AUTS2: variants seen among roughly 807,000 people sequenced by gnomAD.
The protein encoded by AUTS2 is autism susceptibility gene 2 protein.
In AUTS2, 17 loss-of-function variants were observed where a neutral mutation model predicts 112.4. The ratio of observed to expected loss-of-function variants is 0.15; its 90% CI spans 0.10 to 0.23. AUTS2 has a LOEUF of 0.23. Ranked by LOEUF, AUTS2 falls within the 10% of genes least tolerant of loss-of-function variation. The pLI is 1.00. For missense variants in AUTS2, 1,510 were observed against 1,701.6 expected (o/e 0.89, Z 1.98); for synonymous variants, 751 against 702.7 (o/e 1.07, Z -1.09).
chr7:70,022,120 C>T (rs754061708), intron 2 of AUTS2, among the ~76,000 whole-genome samples: 1 of 149,130 alleles, frequency 6.7e-6, no homozygotes, highest in Non-Finnish European at 1.5e-5. Context: ...TACTAGATGA[C>T]ATATTTTCCA....
intron 5 of AUTS2, among the ~76,000 whole-genome samples, chr7:70,565,793 A>G (rs535087879): frequency 5.9e-5 from 9 of 152,236 alleles, no homozygotes; most frequent in Non-Finnish European, 1.3e-4. Flanking sequence ...TTGTATGAGA[A>G]TAGCATATAA....
intron 2 of AUTS2, among the ~76,000 whole-genome samples, chr7:69,998,574 A>T (rs960981247): frequency 1.3e-5 from 2 of 152,214 alleles, no homozygotes; most frequent in African/African-American, 2.4e-5. Flanking sequence ...TTGTGCATAC[A>T]TGCACCTGTT....
chr7:70,150,654 C>T (rs1807381242), intron 4 of AUTS2, among the ~76,000 whole-genome samples: 1 of 152,144 alleles, frequency 6.6e-6, no homozygotes, highest in Non-Finnish European at 1.5e-5. Context: ...TTGTAGTTAG[C>T]ATTTTCATTC....
chr7:70,383,912 C>G (rs569896106), intron 4 of AUTS2, among the ~76,000 whole-genome samples: 1 of 152,374 alleles, frequency 6.6e-6, no homozygotes, highest in African/African-American at 2.4e-5. Context: ...CTGCATTATT[C>G]TGTACATTGT....
At chr7:70,636,891 C>T (rs938357363) in intron 5 of AUTS2, among the ~76,000 whole-genome samples, 23 of 152,128 alleles carry the variant, frequency 1.5e-4, no homozygotes, top group Admixed American at 1.5e-3. Flanking sequence ...GATCCTCCCA[C>T]CTTAGCCTTC....
intron 4 of AUTS2, among the ~76,000 whole-genome samples, chr7:70,422,647 G>A (rs1050582226): frequency 2.6e-5 from 4 of 152,136 alleles, no homozygotes; most frequent in East Asian, 1.9e-4. Context: ...GCATGGTGGC[G>A]CATACCTATA....
At chr7:70,100,325 A>G (rs571406349) in intron 2 of AUTS2, among the ~76,000 whole-genome samples, 4 of 152,302 alleles carry the variant, frequency 2.6e-5, no homozygotes, top group African/African-American at 9.6e-5. Flanking sequence ...TTTTTTATGA[A>G]TACAACTTTA....
chr7:70,437,879 A>G (rs1795962749), intron 5 of AUTS2: 3 of 151,316 alleles, frequency 2.0e-5, no homozygotes, highest in African/African-American at 4.9e-5. Flanking sequence ...TTCCAAAACC[A>G]TCACCAGTCT....
chr7:69,779,626 G>A (rs1024194092), intron 1 of AUTS2, among the ~76,000 whole-genome samples: 1 of 151,794 alleles, frequency 6.6e-6, no homozygotes, highest in African/African-American at 2.4e-5. Context: ...AGCTGGGCTT[G>A]GTGGCACATG....
At chr7:70,604,307 T>C (rs1243330494) in intron 5 of AUTS2, among the ~76,000 whole-genome samples, 2 of 152,182 alleles carry the variant, frequency 1.3e-5, no homozygotes, top group African/African-American at 4.8e-5. Context: ...GAGAGCAAAG[T>C]GTCAGTGCCC....
chr7:70,512,751 G>A (rs756128711), intron 5 of AUTS2, among the ~76,000 whole-genome samples: 6 of 151,942 alleles, frequency 3.9e-5, no homozygotes, highest in Non-Finnish European at 8.8e-5. Context: ...ATAAATCTTT[G>A]GTGGAGTTGT....
chr7:69,692,456 G>A (rs551867478), intron 1 of AUTS2, among the ~76,000 whole-genome samples: 1 of 152,158 alleles, frequency 6.6e-6, no homozygotes, highest in African/African-American at 2.4e-5. Flanking sequence ...ATGAATATGA[G>A]GTTGGAGAGT....
intron 4 of AUTS2, among the ~76,000 whole-genome samples, chr7:70,417,295 A>G (rs981128552): frequency 6.6e-6 from 1 of 152,216 alleles, no homozygotes; most frequent in Non-Finnish European, 1.5e-5. Flanking sequence ...CCATTTTGCA[A>G]TGTGACTATT....
chr7:69,634,058 G>C lies in AUTS2; in HGVS notation c.309+34096G>C, dbSNP rs981945920. On this transcript the variant is annotated intron_variant, in intron 1 of 18. Transcript: ENST00000342771. ...GTTTTTCCCCTGTATTCTCTTCTAG[G>C]AGTTTTATTGTTTCTCGTTAGTTAG... 7.2e-5 allele frequency among the ~76,000 whole-genome samples: 11 copies of C among 151,932 alleles called. No individual in the cohort carries two copies. The East Asian group carries it at 2.1e-3, about 29-fold the overall frequency.
intron 4 of AUTS2, among the ~76,000 whole-genome samples, chr7:70,266,768 C>T (rs1787447012): frequency 6.6e-6 from 1 of 152,146 alleles, no homozygotes; most frequent in Admixed American, 6.5e-5. Context: ...GAAATCAGTG[C>T]CATTTTCTGA....
At chr7:70,122,979 G>A (rs1301225928) in intron 3 of AUTS2, among the ~76,000 whole-genome samples, 2 of 149,474 alleles carry the variant, frequency 1.3e-5, no homozygotes, top group East Asian at 4.0e-4. Context: ...GGGTTCAAGC[G>A]ATTCTCCTGC....
chr7:70,297,269 T>A (rs1788985184), intron 4 of AUTS2, among the ~76,000 whole-genome samples: 1 of 152,176 alleles, frequency 6.6e-6, no homozygotes. Context: ...TGTGGTCAAA[T>A]GTAGTCACAG....
At chr7:70,659,724 T>C (rs1585457064) in intron 5 of AUTS2, among the ~76,000 whole-genome samples, 1 of 152,202 alleles carries the variant, frequency 6.6e-6, no homozygotes, top group Admixed American at 6.5e-5. Context: ...TTTCTAGTCA[T>C]GGATATGGTG....
chr7:69,612,193 A>C (rs1793076993), intron 1 of AUTS2, among the ~76,000 whole-genome samples: 1 of 152,022 alleles, frequency 6.6e-6, no homozygotes, highest in South Asian at 2.1e-4. Context: ...GAAATGCTTT[A>C]TTTCTTAGTT....
Sources: allele counts gnomAD v4.1 joint callset (sites outside exome capture counted in the v4.1 genomes callset), GRCh38; gene constraint gnomAD v4.1.1; transcripts MANE v1.5; gene names NCBI Gene and HGNC (gene_info 2026-07-23, HGNC 2026-07-21).